CSMD2: variants seen among roughly 807,000 people sequenced by gnomAD.
The protein encoded by CSMD2 is CUB and Sushi multiple domains 2, also known as CUB and sushi domain-containing protein 2.
A neutral mutation model predicts 398.5 loss-of-function variants in CSMD2; 130 were observed. The ratio of observed to expected loss-of-function variants is 0.33; its 90% CI spans 0.28 to 0.38. CSMD2 has a LOEUF of 0.38. Ranked by LOEUF, CSMD2 falls within the 10% of genes least tolerant of loss-of-function variation. The pLI is 1.00. For synonymous variants in CSMD2, 1,828 were observed against 1,908.5 expected (o/e 0.96, Z 1.10); for missense variants, 3,829 against 4,764.9 (o/e 0.80, Z 5.78).
chr1:33,852,150 A>T (rs1638755874), intron 5 of CSMD2, among the ~76,000 whole-genome samples: 1 of 151,552 alleles, frequency 6.6e-6, no homozygotes, highest in Non-Finnish European at 1.5e-5. Flanking sequence ...AGCATCCTCA[A>T]CTCCCCACTC....
intron 5 of CSMD2, among the ~76,000 whole-genome samples, chr1:33,892,990 A>G (rs1570420967): frequency 6.6e-6 from 1 of 152,238 alleles, no homozygotes; most frequent in African/African-American, 2.4e-5. Flanking sequence ...GAAAGGGTTC[A>G]TGTTATCCTA....
At chr1:33,639,741 TACTC>T (rs1643005901) in intron 29 of CSMD2, among the ~76,000 whole-genome samples, 1 of 152,332 alleles carries the variant, frequency 6.6e-6, no homozygotes, top group South Asian at 2.1e-4. Flanking sequence ...ATTCTATATT[TACTC>T]ACACGTAAGA....
chr1:33,777,094 G>C (rs895548831), intron 12 of CSMD2, among the ~76,000 whole-genome samples: 1 of 152,164 alleles, frequency 6.6e-6, no homozygotes, highest in African/African-American at 2.4e-5. Context: ...GGGTTTACAC[G>C]TGGGTGGAAT....
intron 66 of CSMD2, among the ~76,000 whole-genome samples, chr1:33,524,311 G>C (rs537843488): frequency 2.0e-5 from 3 of 152,166 alleles, no homozygotes; most frequent in African/African-American, 7.2e-5. Flanking sequence ...ATAAATGTTT[G>C]ACTCCCTCCG....
At chr1:33,899,158 T>C (rs1642590406) in intron 5 of CSMD2, among the ~76,000 whole-genome samples, 3 of 152,222 alleles carry the variant, frequency 2.0e-5, no homozygotes, top group African/African-American at 7.2e-5. Context: ...AGGGGAACGC[T>C]GATGGCAGTC....
intron 56 of CSMD2, among the ~76,000 whole-genome samples, chr1:33,546,420 C>T (rs925463979): frequency 6.6e-6 from 1 of 152,154 alleles, no homozygotes; most frequent in African/African-American, 2.4e-5. Context: ...TGGGTAAGTC[C>T]CTGGGAACCA....
chr1:33,818,363 A>G (rs1015604038), intron 9 of CSMD2, among the ~76,000 whole-genome samples: 2 of 152,210 alleles, frequency 1.3e-5, no homozygotes, highest in African/African-American at 4.8e-5. Flanking sequence ...ACAAAACAGA[A>G]GTCCTTGCCC....
chr1:33,864,605 G>A lies in CSMD2; in HGVS notation c.921-17609C>T, dbSNP rs766530054. On this transcript the variant is annotated intron_variant, in intron 5 of 70. Transcript: ENST00000373381. ...TGTGGTCAACAGCGACAGACCTGGA[G>A]AAGCACCCTTATGAGCAAAGAGTGG... The A allele has an allele frequency of 8.2e-5, 132 of 1,613,936 alleles. No homozygotes were observed. The Admixed American group carries it at 2.2e-3, about 26-fold the overall frequency.
intron 46 of CSMD2, among the ~76,000 whole-genome samples, chr1:33,584,867 T>C (rs183880684): frequency 1.3e-5 from 2 of 152,170 alleles, no homozygotes; most frequent in East Asian, 1.9e-4. Flanking sequence ...AAGGAAGACA[T>C]TGAGCTTGGA....
At position 33,726,605 on chromosome 1, in the gene CSMD2, T is replaced by G; in HGVS notation, c.2449A>C (p.Ser817Arg). Residue 817 changes from serine to arginine, a missense_variant, in exon 16 of 71, where the codon AGC becomes CGC. By Grantham distance (110) the Ser-to-Arg change is moderately radical. Around this residue, in one of 5 missense-constraint regions of CSMD2, gnomAD observed 2,001 missense variants for 2,567.1 expected, o/e 0.78. Coordinates refer to ENST00000373381, the MANE Select transcript of CSMD2 (RefSeq NM_001281956.2). ...GWPGFYKDALSCAWVIEAQPG... is the reference protein window; with the variant it reads ...GWPGFYKDALRCAWVIEAQPG... ...TGGGCCTCAATCACCCAGGCACAGC[T>G]CAAGGCATCCTTGTAGAAGCCAGGC... The G allele has an allele frequency of 6.2e-7, 1 of 1,613,808 alleles. No homozygotes were observed. The highest frequency in any genetic ancestry group is 8.5e-7 in the Non-Finnish European group (1 of 1,179,966).
intron 42 of CSMD2, among the ~76,000 whole-genome samples, chr1:33,604,750 G>C (rs1415882094): frequency 1.3e-5 from 2 of 152,196 alleles, no homozygotes; most frequent in African/African-American, 4.8e-5. Flanking sequence ...TAAGGAAGAA[G>C]ACCCAAGAAA....
chr1:34,102,946 T>A (rs537568832), intron 1 of CSMD2, among the ~76,000 whole-genome samples: 1 of 152,204 alleles, frequency 6.6e-6, no homozygotes, highest in Non-Finnish European at 1.5e-5. Flanking sequence ...AAATACAATC[T>A]CCATGAGAGT....
chr1:33,559,417 A>G lies in CSMD2; in HGVS notation c.8437T>C (p.Phe2813Leu), dbSNP rs1034441466. ...AACTTGACCACATCGTTGAGGTTAA[A>G]CTGGTTACCCTGAGTGAGGCCGTTG... is the stretch of plus-strand genomic sequence containing the variant. ...PVNGLTQGNQFNLNDVVKFVC... is the reference protein window; with the variant it reads ...PVNGLTQGNQLNLNDVVKFVC... The change falls in exon 54 of 71, where the codon TTT becomes CTT. Residue 2813 changes from phenylalanine (F) to leucine (L), a missense_variant. Around this residue, in one of 5 missense-constraint regions of CSMD2, gnomAD observed 917 missense variants for 1,199.5 expected, o/e 0.76. Coordinates refer to ENST00000373381, the MANE Select transcript of CSMD2 (RefSeq NM_001281956.2). This position sits in a 1 kb window ranked among gnomAD's most constrained non-coding sequence, Gnocchi z 4.0. 3.9e-6 allele frequency: 6 copies of G among 1,536,152 alleles called. No homozygotes were observed. The South Asian group carries it at 5.9e-5, about 15-fold the overall frequency.
At chr1:33,963,710 TATCC>T (rs1412390932) in intron 3 of CSMD2, among the ~76,000 whole-genome samples, 1 of 152,256 alleles carries the variant, frequency 6.6e-6, no homozygotes, top group Admixed American at 6.5e-5. Flanking sequence ...GTTCACTTGA[TATCC>T]ATCCATGCTG....
Position 33,734,613 on chromosome 1 carries a change from C to T in CSMD2, c.2368+4527G>A, listed in dbSNP as rs374522652. On this transcript the variant is annotated intron_variant, in intron 15 of 70. Transcript: ENST00000373381. Reference sequence around the variant, plus strand: ...CAGTCTGGCCAACATAGTGAAACCCCGTCTCTACTAAGAATACAAAAATTA... The same window carrying T: ...CAGTCTGGCCAACATAGTGAAACCCTGTCTCTACTAAGAATACAAAAATTA... Among the ~76,000 whole-genome samples, 47 of 152,012 alleles carry T rather than the reference C, an allele frequency of 3.1e-4. No homozygotes were observed. The East Asian group carries it at 6.2e-3, about 20-fold the overall frequency.
intron 46 of CSMD2, 82 bp downstream of exon 46, chr1:33,586,422 G>T: frequency 1.1e-6 from 1 of 873,244 alleles, no homozygotes. Context: ...GCTGAGAACT[G>T]GGAATAGAAA....
chr1:33,801,260 C>A (rs1308047057), intron 10 of CSMD2, among the ~76,000 whole-genome samples: 1 of 152,152 alleles, frequency 6.6e-6, no homozygotes, highest in African/African-American at 2.4e-5. Context: ...GATTAACTAT[C>A]CTGATCAAAT....
In CSMD2 at chr1:33,543,044, TGCCCCTA is replaced by T. The variant is rs1463959327; in HGVS notation, c.9101-155_9101-149del. ...ATGCTGCTTTTGTATCGAATTATCT[TGCCCCTA>T]GACAGGAAGGAGAGACCCCTATGAA... On this transcript the variant is annotated intron_variant, in intron 57 of 70. Coordinates refer to ENST00000373381, the MANE Select transcript of CSMD2 (RefSeq NM_001281956.2). 72 of 616,066 alleles carry T rather than the reference TGCCCCTA, an allele frequency of 1.2e-4. No individual in the cohort carries two copies. The African/African-American group carries it at 1.2e-3, about 10-fold the overall frequency. 38.2% of individuals were successfully genotyped at this position (616,066 alleles called of 1,614,324 possible). A position where few individuals can be genotyped will look rare whatever the true frequency, so the allele number is the denominator to read the frequency against.
At position 33,709,191 on chromosome 1, in the gene CSMD2, G is replaced by A. The variant is rs751476415; in HGVS notation, c.3474C>T (p.Tyr1158=). The A allele has an allele frequency of 6.2e-7, 1 of 1,613,950 alleles. No homozygotes were observed. The highest frequency in any genetic ancestry group is 1.1e-5 in the South Asian group (1 of 91,074). ...TLLSPNFPVN[Y]NNNHECIYSI... ...AGTAGATGCATTCATGATTGTTATT[G>A]TAGTTCACAGGAAAGTTGGGGGACA... The change falls in exon 22 of 71, where the codon TAC becomes TAT. Residue 1158 remains tyrosine (Y), a synonymous_variant. Coordinates refer to ENST00000373381, the MANE Select transcript of CSMD2 (RefSeq NM_001281956.2).
Sources: gnomAD v4.1 joint callset for allele counts (sites outside exome capture counted in the v4.1 genomes callset) on GRCh38, gnomAD v4.1.1 for gene constraint, gnomAD v4.1.1 regional missense constraint, Gnocchi (gnomAD v3.1) non-coding constraint, MANE v1.5 for transcripts, NCBI Gene and HGNC (gene_info 2026-07-23, HGNC 2026-07-21) for gene names.